Variants in ADGRB3 observed in about 807,000 individuals in gnomAD.
ADGRB3 encodes brain-specific angiogenesis inhibitor 3.
ADGRB3 carries 37 observed loss-of-function variants against 193.4 expected under a neutral mutation model. That is an observed-to-expected ratio of 0.19 (90% confidence interval 0.15 to 0.25). The LOEUF (loss-of-function observed/expected upper bound fraction) is 0.25, where lower values mean the gene tolerates loss of function less well. ADGRB3 is among the 10% of genes least tolerant of loss of function. The pLI is 1.00. For missense variants in ADGRB3, 1,637 were observed against 1,852.9 expected (o/e 0.88, Z 2.14); for synonymous variants, 690 against 644.2 (o/e 1.07, Z -1.08).
chr6:68,764,463 C>T (rs1047214528), intron 3 of ADGRB3, among the ~76,000 whole-genome samples: 1 of 152,156 alleles, frequency 6.6e-6, no homozygotes, highest in African/African-American at 2.4e-5. Flanking sequence ...ACCACTTTGG[C>T]TCAGGTGAAC....
intron 11 of ADGRB3, among the ~76,000 whole-genome samples, chr6:69,004,129 ACT>A (rs1769670318): frequency 6.6e-6 from 1 of 152,160 alleles, no homozygotes; most frequent in Non-Finnish European, 1.5e-5. Flanking sequence ...CAAATATTCT[ACT>A]GTTTTAAAAA....
intron 3 of ADGRB3, among the ~76,000 whole-genome samples, chr6:68,723,612 T>C (rs1275522378): frequency 6.6e-6 from 1 of 151,782 alleles, no homozygotes; most frequent in Non-Finnish European, 1.5e-5. Context: ...TAATTTATCA[T>C]CTATCAGCAC....
chr6:69,129,355 A>G (rs1203366728), intron 17 of ADGRB3, among the ~76,000 whole-genome samples: 1 of 152,164 alleles, frequency 6.6e-6, no homozygotes, highest in Non-Finnish European at 1.5e-5. Context: ...AAAAACAGAA[A>G]AGTGAAAGAC....
chr6:69,373,645 C>T (rs1230348090), intron 30 of ADGRB3, among the ~76,000 whole-genome samples: 1 of 151,968 alleles, frequency 6.6e-6, no homozygotes, highest in Non-Finnish European at 1.5e-5. Flanking sequence ...CAATCTTTGC[C>T]TTCAGATTTT....
intron 20 of ADGRB3, among the ~76,000 whole-genome samples, chr6:69,264,580 C>T (rs772363310): frequency 5.3e-5 from 8 of 151,124 alleles, no homozygotes; most frequent in Non-Finnish European, 1.2e-4. Flanking sequence ...TATTATAGTG[C>T]TGCACATACT....
intron 3 of ADGRB3, among the ~76,000 whole-genome samples, chr6:68,821,975 T>C (rs1767756514): frequency 6.6e-6 from 1 of 151,938 alleles, no homozygotes; most frequent in Non-Finnish European, 1.5e-5. Flanking sequence ...ATTATTTGTA[T>C]TTACGTAAGA....
intron 15 of ADGRB3, among the ~76,000 whole-genome samples, chr6:69,054,123 A>G (rs765580489): frequency 1.3e-5 from 2 of 152,184 alleles, no homozygotes; most frequent in Non-Finnish European, 2.9e-5. Context: ...AAATTCCACT[A>G]TAGTGGAATA....
At chr6:68,638,518 A>G in intron 2 of ADGRB3, 143 bp from the exon 3 acceptor site, 3 of 819,076 alleles carry the variant, frequency 3.7e-6, no homozygotes, top group Admixed American at 3.2e-5. Flanking sequence ...CCTGTGTTAT[A>G]AAATAAAAAT....
intron 3 of ADGRB3, among the ~76,000 whole-genome samples, chr6:68,887,652 CTT>C (rs76336605): frequency 0.093 from 14,204 of 152,036 alleles, 865 homozygotes; most frequent in Non-Finnish European, 0.13. Context: ...TGACTTAACT[CTT>C]TGTTTAATAT....
intron 3 of ADGRB3, among the ~76,000 whole-genome samples, chr6:68,818,222 A>G (rs1290285477): frequency 6.6e-6 from 1 of 152,032 alleles, no homozygotes; most frequent in Non-Finnish European, 1.5e-5. Context: ...ACTCTCCTTT[A>G]ATTATGCGGG....
At chr6:68,736,600 C>A (rs1220578737) in intron 3 of ADGRB3, among the ~76,000 whole-genome samples, 2 of 151,850 alleles carry the variant, frequency 1.3e-5, no homozygotes, top group Admixed American at 1.3e-4. Flanking sequence ...TGAAAAGTCC[C>A]CAAAACAAGA....
At chr6:68,753,768 A>G (rs1766246751) in intron 3 of ADGRB3, among the ~76,000 whole-genome samples, 1 of 152,218 alleles carries the variant, frequency 6.6e-6, no homozygotes, top group Admixed American at 6.5e-5. Flanking sequence ...ACAAAAATAA[A>G]GCAGCCTGGT....
intron 3 of ADGRB3, among the ~76,000 whole-genome samples, chr6:68,831,512 T>C (rs532092824): frequency 7.2e-5 from 11 of 152,066 alleles, no homozygotes; most frequent in African/African-American, 2.6e-4. Flanking sequence ...GTCTGTTTGG[T>C]TGGGGTTTCA....
chr6:69,243,567 T>C (rs944362897), intron 20 of ADGRB3, among the ~76,000 whole-genome samples: 1 of 152,014 alleles, frequency 6.6e-6, no homozygotes, highest in Non-Finnish European at 1.5e-5. Context: ...GAGTAAGAAG[T>C]GTTTAACTGT....
rs1238874440 is a variant in ADGRB3 at position 68,639,365 on chromosome 6, G to A, written c.690G>A (p.Leu230=). ...LPLNEQTEGC[L]TQELQTTQVC... ...TGAATGAGCAGACAGAGGGCTGCCT[G>A]ACCCAGGAGCTGCAAACCACCCAAG... Residue 230 remains leucine, a synonymous_variant, in exon 3 of 32, where the codon CTG becomes CTA. Coordinates refer to ENST00000370598, the MANE Select transcript of ADGRB3 (RefSeq NM_001704.3). The A allele has an allele frequency of 6.2e-7, 1 of 1,613,942 alleles. No individual in the cohort carries two copies. The highest frequency in any genetic ancestry group is 8.5e-7 in the Non-Finnish European group (1 of 1,180,006).
chr6:68,919,338 G>A (rs985044200), intron 3 of ADGRB3, among the ~76,000 whole-genome samples: 2 of 152,114 alleles, frequency 1.3e-5, no homozygotes, highest in Non-Finnish European at 1.5e-5. Flanking sequence ...AAAAAGAAAT[G>A]CGAAATGTAC....
At chr6:68,773,749 G>T (rs2127357722) in intron 3 of ADGRB3, among the ~76,000 whole-genome samples, 1 of 152,252 alleles carries the variant, frequency 6.6e-6, no homozygotes, top group South Asian at 2.1e-4. Flanking sequence ...ACCTCCATGG[G>T]AAGAGATGTA....
At chr6:69,373,015 A>G (rs1769738385) in intron 30 of ADGRB3, among the ~76,000 whole-genome samples, 1 of 151,970 alleles carries the variant, frequency 6.6e-6, no homozygotes, top group Non-Finnish European at 1.5e-5. Context: ...TCATTTTCCA[A>G]TTTACATTGA....
intron 17 of ADGRB3, among the ~76,000 whole-genome samples, chr6:69,142,610 G>A (rs1774370235): frequency 6.6e-6 from 1 of 152,152 alleles, no homozygotes; most frequent in Non-Finnish European, 1.5e-5. Flanking sequence ...GAAAAAGATT[G>A]CTCAAAGCAT....
Sources: gnomAD v4.1 joint callset for allele counts (sites outside exome capture counted in the v4.1 genomes callset) on GRCh38, gnomAD v4.1.1 for gene constraint, MANE v1.5 for transcripts, NCBI Gene and HGNC (gene_info 2026-07-23, HGNC 2026-07-21) for gene names.